The following ADAMTSL1 variants were observed in gnomAD, a reference collection of about 807,000 sequenced individuals.
ADAMTSL1 encodes the protein ADAMTS-like protein 1.
A neutral mutation model predicts 201.8 loss-of-function variants in ADAMTSL1; 126 were observed. That is an observed-to-expected ratio of 0.62 (90% CI 0.54 to 0.72). The LOEUF (loss-of-function observed/expected upper bound fraction) is 0.72. Among genes scored for constraint, ADAMTSL1 ranks in the 30% least tolerant of loss-of-function variants. The pLI, the probability that ADAMTSL1 is intolerant of heterozygous loss-of-function variation, is 0.00. For synonymous variants in ADAMTSL1, 1,121 were observed against 903.4 expected, an observed-to-expected ratio of 1.24 and a Z score of -4.32; for missense variants, 2,679 against 2,277.8, an observed-to-expected ratio of 1.18 and a Z score of -3.59.
chr9:18,819,609 A>G (rs1479340164), intron 21 of ADAMTSL1, among the ~76,000 whole-genome samples: 1 of 152,148 alleles, frequency 6.6e-6, no homozygotes, highest in Non-Finnish European at 1.5e-5. Context: ...TGTGCCGCCT[A>G]GGGCCCTCTC....
chr9:18,391,027 A>G (rs775085026), intron 2 of ADAMTSL1, among the ~76,000 whole-genome samples: 15 of 152,164 alleles, frequency 9.9e-5, no homozygotes, highest in Middle Eastern at 3.2e-3. Flanking sequence ...TATAAGATGA[A>G]GGAGCTACAG....
intron 4 of ADAMTSL1, among the ~76,000 whole-genome samples, chr9:18,598,825 A>T (rs1032051385): frequency 1.3e-5 from 2 of 152,130 alleles, no homozygotes; most frequent in African/African-American, 4.8e-5. Flanking sequence ...TTTCTTTGCC[A>T]TCAGCGTTAC....
At chr9:18,762,470 A>C (rs1295063018) in intron 16 of ADAMTSL1, among the ~76,000 whole-genome samples, 1 of 152,198 alleles carries the variant, frequency 6.6e-6, no homozygotes, top group East Asian at 1.9e-4. Context: ...TGGGGCATCC[A>C]TCCCTTCAAA....
chr9:18,167,957 A>G (rs1054760167), intron 2 of ADAMTSL1, among the ~76,000 whole-genome samples: 6 of 152,000 alleles, frequency 3.9e-5, no homozygotes, highest in Admixed American at 2.6e-4. Context: ...TCCTGACAGA[A>G]TGTTTAGGAA....
At chr9:18,625,452 A>C (rs932494047) in intron 5 of ADAMTSL1, among the ~76,000 whole-genome samples, 1 of 152,088 alleles carries the variant, frequency 6.6e-6, no homozygotes, top group Non-Finnish European at 1.5e-5. Context: ...AGACATTACA[A>C]TTGCCTAATA....
chr9:18,247,648 T>A (rs950380260), intron 2 of ADAMTSL1, among the ~76,000 whole-genome samples: 24 of 152,252 alleles, frequency 1.6e-4, no homozygotes, highest in African/African-American at 5.8e-4. Context: ...TCCGAGAAGG[T>A]CTTTCTGATA....
chr9:18,721,455 C>T (rs1368004665), intron 14 of ADAMTSL1, 81 bp from the exon 15 acceptor site: 1 of 1,557,288 alleles, frequency 6.4e-7, no homozygotes, highest in Non-Finnish European at 8.7e-7. Context: ...GACCTCCCAC[C>T]AGCTGCCTTG....
intron 4 of ADAMTSL1, among the ~76,000 whole-genome samples, chr9:18,604,727 A>G (rs1432783535): frequency 6.6e-6 from 1 of 152,218 alleles, no homozygotes; most frequent in East Asian, 1.9e-4. Context: ...ATAGGCACAC[A>G]AGTGTATGTT....
intron 2 of ADAMTSL1, among the ~76,000 whole-genome samples, chr9:18,171,358 A>G (rs1224632146): frequency 6.6e-6 from 1 of 152,082 alleles, no homozygotes; most frequent in East Asian, 1.9e-4. Flanking sequence ...ATGAACTTGT[A>G]TAAGAATTTA....
chr9:18,190,736 G>T (rs1828936366), intron 2 of ADAMTSL1, among the ~76,000 whole-genome samples: 1 of 152,086 alleles, frequency 6.6e-6, no homozygotes, highest in East Asian at 1.9e-4. Context: ...TAAGCTTATT[G>T]TTTGCTCCCG....
chr9:18,881,848 T>G (rs528258185), intron 23 of ADAMTSL1, among the ~76,000 whole-genome samples: 1 of 152,148 alleles, frequency 6.6e-6, no homozygotes, highest in Admixed American at 6.5e-5. Context: ...GAACTCCACA[T>G]CCATGGCAGG....
intron 4 of ADAMTSL1, among the ~76,000 whole-genome samples, chr9:18,601,694 T>A (rs945507165): frequency 6.6e-6 from 1 of 152,112 alleles, no homozygotes; most frequent in African/African-American, 2.4e-5. Context: ...ATTAAATATG[T>A]GTAGCATATA....
intron 2 of ADAMTSL1, among the ~76,000 whole-genome samples, chr9:18,456,963 C>G (rs1820629703): frequency 1.3e-5 from 2 of 152,326 alleles, no homozygotes; most frequent in Admixed American, 1.3e-4. Flanking sequence ...ACGTGGCTAT[C>G]TCATTCATTC....
At chr9:18,183,983 G>A (rs559192987) in intron 2 of ADAMTSL1, among the ~76,000 whole-genome samples, 33 of 152,158 alleles carry the variant, frequency 2.2e-4, no homozygotes, top group Admixed American at 3.9e-4. Context: ...TTTTCAGATA[G>A]GGTTTGGTCA....
intron 2 of ADAMTSL1, among the ~76,000 whole-genome samples, chr9:18,447,511 T>G (rs1820237678): frequency 6.6e-6 from 1 of 152,068 alleles, no homozygotes; most frequent in Non-Finnish European, 1.5e-5. Context: ...GTTCAGTATT[T>G]AAAAGGAAGG....
At chr9:17,990,778 CAT>C (rs1819122192) in intron 1 of ADAMTSL1, among the ~76,000 whole-genome samples, 1 of 152,004 alleles carries the variant, frequency 6.6e-6, no homozygotes, top group African/African-American at 2.4e-5. Context: ...TTTGAAATTA[CAT>C]GTTACCCAGT....
chr9:18,078,772 T>G (rs1363278601), intron 1 of ADAMTSL1, among the ~76,000 whole-genome samples: 3 of 152,146 alleles, frequency 2.0e-5, no homozygotes, highest in Non-Finnish European at 4.4e-5. Flanking sequence ...ATATTCTCTC[T>G]GCAGGGAATC....
intron 1 of ADAMTSL1, among the ~76,000 whole-genome samples, chr9:17,948,644 CCCGAGT>C (rs1375624719): frequency 6.6e-6 from 1 of 152,116 alleles, no homozygotes; most frequent in Non-Finnish European, 1.5e-5. Flanking sequence ...TTTGTTACAG[CCCGAGT>C]GTCTCCCATG....
Position 18,642,899 on chromosome 9 carries a change from G to C in ADAMTSL1, c.834+3488G>C, listed in dbSNP as rs1444306343. Among the ~76,000 whole-genome samples the C allele has an allele frequency of 2.0e-5, 3 of 152,116 alleles. No homozygotes were observed. The East Asian group carries it at 5.8e-4, about 29-fold the overall frequency. ...GTGCTGCAGTGAACACGAGAGTGTAGATATCTCTTCAACATACTGATTTCA... is the reference window on the plus strand; with the variant it reads ...GTGCTGCAGTGAACACGAGAGTGTACATATCTCTTCAACATACTGATTTCA... On this transcript the variant is annotated intron_variant, in intron 7 of 28. Coordinates refer to ENST00000380548, the MANE Select transcript of ADAMTSL1 (RefSeq NM_001040272.6).
Sources: allele counts gnomAD v4.1 joint callset (sites outside exome capture counted in the v4.1 genomes callset), GRCh38; gene constraint gnomAD v4.1.1; transcripts MANE v1.5; gene names NCBI Gene and HGNC (gene_info 2026-07-23, HGNC 2026-07-21).